RAD23B: variants seen among roughly 807,000 people sequenced by gnomAD.
RAD23B encodes the protein RAD23 nucleotide excision repair protein B, also known as lysine-specific demethylase RAD23B.
Under a neutral mutation model 49.1 loss-of-function variants are expected in RAD23B, and 5 were observed. The observed-to-expected ratio is 0.10, with a 90% CI of 0.05 to 0.21. The LOEUF is 0.21. RAD23B is among the 10% of genes least tolerant of loss of function. The probability of loss-of-function intolerance (pLI) is 1.00; values close to 1 mark genes in which losing one functional copy is unlikely to be tolerated. For synonymous variants in RAD23B, 184 were observed against 165.4 expected (o/e 1.11, Z -0.86); for missense variants, 356 against 486.7 (o/e 0.73, Z 2.53).
intron 1 of RAD23B, among the ~76,000 whole-genome samples, chr9:107,297,447 TCTC>T (rs932471124): frequency 2.0e-5 from 3 of 151,990 alleles, no homozygotes; most frequent in African/African-American, 7.2e-5. Context: ...TTCAAGCAGT[TCTC>T]CTGCCTCAGC....
At position 107,311,030 on chromosome 9, in the gene RAD23B, A is replaced by G. The variant is rs138171783; in HGVS notation, c.498-652A>G. Among the ~76,000 whole-genome samples, 473 of 152,322 alleles carry G rather than the reference A, an allele frequency of 3.1e-3. 1 individual carries two copies. Among genetic ancestry groups the G allele is most frequent in the African/African-American group, 0.01 (434 of 41,574 alleles). ...TTACCACTGTTGTAAACTTAAGTTT[A>G]TATTTCTTTGGCTTGCTCTTGGTCT... is the stretch of plus-strand genomic sequence containing the variant. On this transcript the variant is annotated intron_variant, in intron 4 of 9. Coordinates refer to ENST00000358015, the MANE Select transcript of RAD23B (RefSeq NM_002874.5).
At position 107,322,037 on chromosome 9, in the gene RAD23B, A is replaced by G. The variant is rs1423546846; in HGVS notation, c.736A>G (p.Ser246Gly). Residue 246 changes from serine to glycine, a missense_variant, in exon 7 of 10, where the codon AGT becomes GGT. By Grantham distance (56) the Ser-to-Gly change is moderately conservative. Around this residue, in one of 5 missense-constraint regions of RAD23B, gnomAD observed 148 missense variants for 231.7 expected, o/e 0.64. Transcript: ENST00000358015. ...TGTGGTTGACCCCCCTCAAGCAGCTAGTACTGGGGCTCCTCAGTCTTCAGC... is the reference window on the plus strand; with the variant it reads ...TGTGGTTGACCCCCCTCAAGCAGCTGGTACTGGGGCTCCTCAGTCTTCAGC... Reference protein sequence around the residue: ...QAVVDPPQAASTGAPQSSAVA... With the variant: ...QAVVDPPQAAGTGAPQSSAVA... The G allele has an allele frequency of 1.2e-6, 2 of 1,613,518 alleles. No homozygotes were observed. Among genetic ancestry groups the G allele is most frequent in the African/African-American group, 1.3e-5 (1 of 74,924 alleles).
chr9:107,310,213 C>T (rs565796055), intron 4 of RAD23B, among the ~76,000 whole-genome samples: 1 of 152,060 alleles, frequency 6.6e-6, no homozygotes, highest in South Asian at 2.1e-4. Context: ...TACTGTACAC[C>T]TGCAAAAATA....
At position 107,302,881 on chromosome 9, in the gene RAD23B, T is replaced by C. The variant is rs980732507; in HGVS notation, c.228+767T>C. Among the ~76,000 whole-genome samples, 23 of 151,984 alleles carry C rather than the reference T, an allele frequency of 1.5e-4. 1 individual carries two copies. The highest frequency in any genetic ancestry group is 3.9e-4 in the African/African-American group (16 of 41,492). On this transcript the variant is annotated intron_variant, in intron 3 of 9. Coordinates refer to ENST00000358015, the MANE Select transcript of RAD23B (RefSeq NM_002874.5). Reference sequence around the variant, plus strand: ...CCGTGTTAGCCAGGATGGTCTCGATTTCCTGACCTCGTGATCCGCCCGCCT... The same window carrying C: ...CCGTGTTAGCCAGGATGGTCTCGATCTCCTGACCTCGTGATCCGCCCGCCT...
At chr9:107,322,248 A>G (rs1827125420) in intron 7 of RAD23B, 130 bp downstream of exon 7, 4 of 1,165,266 alleles carry the variant, frequency 3.4e-6, no homozygotes, top group Non-Finnish European at 4.6e-6. Flanking sequence ...TTCTCTCTTC[A>G]CTAATGTTTG....
Position 107,331,497 on chromosome 9 carries a change from A to G in RAD23B, c.*1841A>G, listed in dbSNP as rs559343109. 32 of 568,614 alleles carry G rather than the reference A, an allele frequency of 5.6e-5. No homozygotes were observed. Among genetic ancestry groups the G allele is most frequent in the Middle Eastern group, 4.6e-4 (1 of 2,184 alleles). The allele number at this position is 568,614 out of a possible 1,614,324, so 35.2% of individuals were successfully genotyped here. A position where few individuals can be genotyped will look rare whatever the true frequency, so the allele number is the denominator to read the frequency against. On this transcript the variant is annotated 3_prime_UTR_variant, in exon 10 of 10. Transcript: ENST00000358015. ...AACATGACAGGCTTTTGGACTTTGTATTACCTGTATGTTTTATAATGGATC... is the reference window on the plus strand; with the variant it reads ...AACATGACAGGCTTTTGGACTTTGTGTTACCTGTATGTTTTATAATGGATC...
intron 4 of RAD23B, among the ~76,000 whole-genome samples, chr9:107,311,376 A>G (rs910691537): frequency 6.6e-6 from 1 of 151,532 alleles, no homozygotes; most frequent in African/African-American, 2.4e-5. Context: ...CAGGTAAATA[A>G]TTGTGCATTA....
At chr9:107,290,073 C>T (rs1833350330) in intron 1 of RAD23B, among the ~76,000 whole-genome samples, 1 of 152,202 alleles carries the variant, frequency 6.6e-6, no homozygotes, top group Non-Finnish European at 1.5e-5. Context: ...AGTCACTCTT[C>T]CACTGCCACA....
At chr9:107,311,870 T>C in intron 5 of RAD23B, 133 bp downstream of exon 5, 1 of 668,944 alleles carries the variant, frequency 1.5e-6, no homozygotes, top group Non-Finnish European at 2.4e-6. Flanking sequence ...TTGATTTAGG[T>C]AATTATTCAA....
intron 1 of RAD23B, 89 bp downstream of exon 1, chr9:107,283,784 G>T (rs924093487): frequency 8.2e-7 from 1 of 1,215,182 alleles, no homozygotes; most frequent in Non-Finnish European, 1.1e-6. Flanking sequence ...CGCTCCAGCG[G>T]GGGAAGCCCC....
chr9:107,304,955 A>T (rs889246567), intron 3 of RAD23B, among the ~76,000 whole-genome samples: 16 of 152,192 alleles, frequency 1.1e-4, no homozygotes, highest in African/African-American at 3.9e-4. Flanking sequence ...TATATGTTAC[A>T]TGTATGATAT....
intron 1 of RAD23B, among the ~76,000 whole-genome samples, chr9:107,293,953 TA>T (rs1202060785): frequency 6.6e-6 from 1 of 152,118 alleles, no homozygotes; most frequent in Non-Finnish European, 1.5e-5. Context: ...CCCGTCTAAT[TA>T]AAAAAATTTT....
chr9:107,322,897 G>A (rs1827138232), intron 7 of RAD23B, among the ~76,000 whole-genome samples: 1 of 152,104 alleles, frequency 6.6e-6, no homozygotes, highest in African/African-American at 2.4e-5. Context: ...GCTCTGCTTT[G>A]GATTTGGGGT....
chr9:107,317,985 A>G (rs1827028687), intron 5 of RAD23B, among the ~76,000 whole-genome samples: 1 of 152,186 alleles, frequency 6.6e-6, no homozygotes. Flanking sequence ...ATGGTTTGAA[A>G]TACCATCCCT....
At chr9:107,316,785 G>T (rs369726488) in intron 5 of RAD23B, among the ~76,000 whole-genome samples, 31 of 151,030 alleles carry the variant, frequency 2.1e-4, no homozygotes, top group African/African-American at 7.3e-4. Flanking sequence ...AGTCAAACTT[G>T]CATTCAGTTG....
At chr9:107,284,884 C>A in intron 1 of RAD23B, 1 of 1,266,992 alleles carries the variant, frequency 7.9e-7, no homozygotes, top group Non-Finnish European at 1.0e-6. Flanking sequence ...AGGGATAATA[C>A]CTGCCTTGCA....
intron 5 of RAD23B, among the ~76,000 whole-genome samples, chr9:107,313,314 C>G (rs1489636391): frequency 6.6e-6 from 1 of 152,094 alleles, no homozygotes; most frequent in Non-Finnish European, 1.5e-5. Context: ...CAACCTCCAC[C>G]TCCCAGGTTT....
intron 1 of RAD23B, among the ~76,000 whole-genome samples, chr9:107,284,373 C>T (rs1203366453): frequency 1.3e-5 from 2 of 151,978 alleles, no homozygotes; most frequent in Non-Finnish European, 2.9e-5. Flanking sequence ...CAGGCTCAAA[C>T]TAAACTTCAG....
intron 1 of RAD23B, among the ~76,000 whole-genome samples, chr9:107,288,072 C>T (rs1833311203): frequency 6.6e-6 from 1 of 152,042 alleles, no homozygotes; most frequent in African/African-American, 2.4e-5. Flanking sequence ...GAGTTCTTGG[C>T]ATATTGGCAG....
Sources: allele counts gnomAD v4.1 joint callset (sites outside exome capture counted in the v4.1 genomes callset), GRCh38; gene constraint gnomAD v4.1.1; regional missense constraint gnomAD v4.1.1; transcripts MANE v1.5; gene names NCBI Gene and HGNC (gene_info 2026-07-23, HGNC 2026-07-21).